NNT: variants seen among roughly 807,000 people sequenced by gnomAD.
NNT encodes NAD(P) transhydrogenase, mitochondrial.
NNT carries 50 observed loss-of-function variants against 104.8 expected under a neutral mutation model. That is an observed-to-expected ratio of 0.48 (90% CI 0.38 to 0.60). The LOEUF is 0.60. Ranked by LOEUF, NNT falls within the 20% of genes least tolerant of loss-of-function variation. NNT has a pLI of 0.00. For synonymous variants in NNT, 461 were observed against 490.4 expected, an observed-to-expected ratio of 0.94 and a Z score of 0.79; for missense variants, 1,131 against 1,330.7, an observed-to-expected ratio of 0.85 and a Z score of 2.33.
intron 19 of NNT, among the ~76,000 whole-genome samples, chr5:43,694,942 A>T (rs1742482725): frequency 6.6e-6 from 1 of 151,870 alleles, no homozygotes; most frequent in Non-Finnish European, 1.5e-5. Flanking sequence ...CCTGGGCTTT[A>T]TTTTGGTTGG....
At chr5:43,632,116 A>G (rs986152613) in intron 7 of NNT, among the ~76,000 whole-genome samples, 1 of 152,230 alleles carries the variant, frequency 6.6e-6, no homozygotes, top group Non-Finnish European at 1.5e-5. Context: ...GAAAGAGTAC[A>G]TGAAGGTACA....
chr5:43,630,673 G>A (rs572740195), intron 7 of NNT, among the ~76,000 whole-genome samples: 10 of 152,224 alleles, frequency 6.6e-5, no homozygotes, highest in Admixed American at 1.3e-4. Flanking sequence ...TTATTAATCA[G>A]TAAGCAGTAG....
chr5:43,678,562 G>A (rs1179304193), intron 19 of NNT, among the ~76,000 whole-genome samples: 2 of 152,172 alleles, frequency 1.3e-5, no homozygotes, highest in Non-Finnish European at 1.5e-5. Flanking sequence ...AAGAGGTCAA[G>A]CGAAGCATTT....
intron 19 of NNT, among the ~76,000 whole-genome samples, chr5:43,689,237 T>C (rs1199869445): frequency 6.6e-6 from 1 of 152,208 alleles, no homozygotes; most frequent in Non-Finnish European, 1.5e-5. Context: ...GGATCGTTTG[T>C]TTTATTCTTG....
chr5:43,665,447 T>C (rs1740592869), intron 17 of NNT, among the ~76,000 whole-genome samples: 1 of 152,028 alleles, frequency 6.6e-6, no homozygotes, highest in African/African-American at 2.4e-5. Context: ...TTAACGAGCA[T>C]GCTGCCTTCA....
intron 1 of NNT, among the ~76,000 whole-genome samples, chr5:43,607,160 C>G (rs1360613354): frequency 6.6e-6 from 1 of 152,010 alleles, no homozygotes; most frequent in Non-Finnish European, 1.5e-5. Flanking sequence ...CGCACCATCA[C>G]TCCTGTCAGG....
chr5:43,649,630 T>C (rs1057430590), intron 11 of NNT, among the ~76,000 whole-genome samples: 12 of 151,914 alleles, frequency 7.9e-5, no homozygotes, highest in Admixed American at 1.3e-4. Context: ...TGAAAACCAG[T>C]GTTCCACAGA....
chr5:43,612,701 A>G (rs1749560640), intron 2 of NNT, among the ~76,000 whole-genome samples: 2 of 152,166 alleles, frequency 1.3e-5, no homozygotes, highest in African/African-American at 2.4e-5. Flanking sequence ...GTTTCAGAAG[A>G]GTAGGCATAA....
intron 17 of NNT, among the ~76,000 whole-genome samples, chr5:43,662,939 G>A (rs1345133632): frequency 6.6e-6 from 1 of 150,904 alleles, no homozygotes; most frequent in Non-Finnish European, 1.5e-5. Context: ...GTTTAATGTA[G>A]GAAATTTGGA....
intron 19 of NNT, among the ~76,000 whole-genome samples, chr5:43,698,159 TATATA>T (rs1279368792): frequency 2.6e-5 from 4 of 151,794 alleles, no homozygotes; most frequent in African/African-American, 9.7e-5. Context: ...ATGAATATAT[TATATA>T]ATATATAATC....
chr5:43,651,770 C>T lies in NNT; in HGVS notation c.1749C>T (p.Asp583=), dbSNP rs1739779201. Residue 583 remains aspartate (D), a synonymous_variant, in exon 13 of 22, where the codon GAC becomes GAT. Coordinates refer to ENST00000344920, the MANE Select transcript of NNT (RefSeq NM_182977.3). The part of the protein sequence containing the change: ...GGFLVTQRML[D]MFKRPTDPPE... ...TTCTGGTGACTCAGAGAATGCTGGA[C>T]ATGTTCAAGCGTCCCACTGACCCCC... 6.2e-7 allele frequency: 1 copy of T among 1,613,946 alleles called. No individual in the cohort carries two copies. Among genetic ancestry groups the T allele is most frequent in the Non-Finnish European group, 8.5e-7 (1 of 1,180,016 alleles).
intron 19 of NNT, among the ~76,000 whole-genome samples, chr5:43,691,128 C>A (rs1250600738): frequency 2.7e-5 from 4 of 150,600 alleles, no homozygotes; most frequent in Admixed American, 2.0e-4. Context: ...GAGATGGAGT[C>A]TCGCTCTGTC....
intron 16 of NNT, among the ~76,000 whole-genome samples, chr5:43,658,368 G>T (rs1265747971): frequency 6.6e-6 from 1 of 152,098 alleles, no homozygotes; most frequent in Admixed American, 6.5e-5. Flanking sequence ...AAAGCAAAAA[G>T]CTTTTTCCTT....
intron 1 of NNT, among the ~76,000 whole-genome samples, chr5:43,604,009 C>T (rs1749073101): frequency 6.6e-6 from 1 of 152,162 alleles, no homozygotes; most frequent in Non-Finnish European, 1.5e-5. Context: ...TTATAAATAG[C>T]GGTCTCGTGC....
In NNT at chr5:43,707,323, A is replaced by G. The variant is rs1743121866; in HGVS notation, c.*2919A>G. On this transcript the variant is annotated 3_prime_UTR_variant, in exon 22 of 22. Transcript: ENST00000344920. ...GAGGTAATGCACATATTAATTAGAA[A>G]GATTTTGTCATTCCACAATGTATAT... is the stretch of plus-strand genomic sequence containing the variant. 1 of 152,188 alleles carries G rather than the reference A, an allele frequency of 6.6e-6. No homozygotes were observed. The highest frequency in any genetic ancestry group is 6.5e-5 in the Admixed American group (1 of 15,276). 9.4% of individuals were successfully genotyped at this position (152,188 alleles called of 1,614,324 possible). A position where few individuals can be genotyped will look rare whatever the true frequency, so the allele number is the denominator to read the frequency against.
intron 11 of NNT, among the ~76,000 whole-genome samples, chr5:43,649,627 C>A (rs1292223641): frequency 1.3e-5 from 2 of 150,794 alleles, no homozygotes; most frequent in South Asian, 2.1e-4. Context: ...ATTTGAAAAC[C>A]AGTGTTCCAC....
intron 17 of NNT, among the ~76,000 whole-genome samples, chr5:43,668,355 A>T (rs1168143676): frequency 6.6e-6 from 1 of 151,706 alleles, no homozygotes; most frequent in East Asian, 1.9e-4. Flanking sequence ...AGTCCTTGCC[A>T]TGCCTATGTC....
intron 19 of NNT, among the ~76,000 whole-genome samples, chr5:43,691,674 G>GA (rs1343175324): frequency 2.6e-5 from 4 of 152,224 alleles, no homozygotes; most frequent in Non-Finnish European, 5.9e-5. Context: ...AATGCAATGT[G>GA]ATACTTTAGA....
At chr5:43,608,410 A>G (rs1749335221) in intron 1 of NNT, among the ~76,000 whole-genome samples, 3 of 152,236 alleles carry the variant, frequency 2.0e-5, no homozygotes, top group African/African-American at 7.2e-5. Flanking sequence ...AGAACTCGCA[A>G]AAAGTGGCCA....
Sources: allele counts gnomAD v4.1 joint callset (sites outside exome capture counted in the v4.1 genomes callset), GRCh38; gene constraint gnomAD v4.1.1; transcripts MANE v1.5; gene names NCBI Gene and HGNC (gene_info 2026-07-23, HGNC 2026-07-21).